COL16A1: variants seen among roughly 807,000 people sequenced by gnomAD.
The protein encoded by COL16A1 is collagen alpha-1(XVI) chain.
A neutral mutation model predicts 266.3 loss-of-function variants in COL16A1; 189 were observed. The ratio of observed to expected loss-of-function variants is 0.71; its 90% CI spans 0.63 to 0.80. The LOEUF is 0.80. Among genes scored for constraint, COL16A1 ranks in the 30% least tolerant of loss-of-function variants. The pLI is 0.00. For synonymous variants in COL16A1, 740 were observed against 782.3 expected (o/e 0.95, Z 0.90); for missense variants, 1,928 against 2,122.4 (o/e 0.91, Z 1.80).
chr1:31,652,708 G>A lies in COL16A1; in HGVS notation c.4758C>T (p.Ala1586=), dbSNP rs1337564587. 6.2e-7 allele frequency: 1 copy of A among 1,606,542 alleles called. No homozygotes were observed. Among genetic ancestry groups the A allele is most frequent in the Middle Eastern group, 1.7e-4 (1 of 6,040 alleles). ...GHCNPSDCFG[A]MPMEQQYPPM... ...GTGGGTACTGCTGCTCCATCGGCAT[G>A]GCCCCAAAGCAGTCAGAGGGATTAC... is the stretch of plus-strand genomic sequence containing the variant. Residue 1586 remains alanine (A), a synonymous_variant, in exon 71 of 71, where the codon GCC becomes GCT. Coordinates refer to ENST00000373672, the MANE Select transcript of COL16A1 (RefSeq NM_001856.4). The surrounding 1 kb of genome is among the most constrained non-coding windows in gnomAD (Gnocchi z 4.8).
At chr1:31,658,604 GA>G in intron 63 of COL16A1, 27 bp from the exon 64 acceptor site, 1 of 1,575,696 alleles carries the variant, frequency 6.3e-7, no homozygotes, top group Non-Finnish European at 8.6e-7. Flanking sequence ...GGGACAGTGA[GA>G]GGGGAGGAAA....
rs986142050 is a variant in COL16A1, at chr1:31,664,872, C to T, written c.3555+300G>A. Reference sequence around the variant, plus strand: ...CACATTCTACTCCTCCATCAGACCCCCTGCCTCCTCCCCACCTACCTCCCT... The same window carrying T: ...CACATTCTACTCCTCCATCAGACCCTCTGCCTCCTCCCCACCTACCTCCCT... On this transcript the variant is annotated intron_variant, in intron 56 of 70. Transcript: ENST00000373672. The surrounding 1 kb of genome is among the most constrained non-coding windows in gnomAD (Gnocchi z 5.5). Among the ~76,000 whole-genome samples the T allele has an allele frequency of 2.6e-5, 4 of 152,120 alleles. No individual in the cohort carries two copies. The highest frequency in any genetic ancestry group is 4.8e-5 in the African/African-American group (2 of 41,412).
rs965556115 is a variant in COL16A1, at chr1:31,668,619, C to T, written c.3249+183G>A. Among the ~76,000 whole-genome samples, 1 of 152,116 alleles carries T rather than the reference C, an allele frequency of 6.6e-6. No homozygotes were observed. Among genetic ancestry groups the T allele is most frequent in the Non-Finnish European group, 1.5e-5 (1 of 68,006 alleles). On this transcript the variant is annotated intron_variant, in intron 50 of 70. Transcript: ENST00000373672. The surrounding 1 kb of genome is among the most constrained non-coding windows in gnomAD (Gnocchi z 5.8). ...GGAGTCAGGGCACATGGAGATCGGCCTCCTTTGCTCCTGGGGGAGTGTGGA... is the reference window on the plus strand; with the variant it reads ...GGAGTCAGGGCACATGGAGATCGGCTTCCTTTGCTCCTGGGGGAGTGTGGA...
intron 17 of COL16A1, 105 bp from the exon 18 acceptor site, chr1:31,691,747 C>T: frequency 7.1e-7 from 1 of 1,413,690 alleles, no homozygotes; most frequent in Non-Finnish European, 9.6e-7. Flanking sequence ...GCCCCTCCCC[C>T]AAACCAGAGC....
intron 22 of COL16A1, chr1:31,690,066 C>G: frequency 1.6e-6 from 1 of 619,302 alleles, no homozygotes; most frequent in Non-Finnish European, 2.8e-6. Context: ...ACATCCTCGC[C>G]GTAAGCCTTA....
rs1644100350 is a variant in COL16A1 at position 31,688,487 on chromosome 1, G to A, written c.1783C>T (p.Pro595Ser). ...LPGLPGRAGV[P>S]GLKGEKGNFG... Reference sequence around the variant, plus strand: ...CTCACCTTCTCTCCTTTCAGCCCTGGAACCCCAGCTCTACCCTGAAAAACA... The same window carrying A: ...CTCACCTTCTCTCCTTTCAGCCCTGAAACCCCAGCTCTACCCTGAAAAACA... Residue 595 changes from proline (P) to serine (S), a missense_variant, in exon 26 of 71, where the codon CCA becomes TCA. Physicochemically the swap from Pro to Ser is moderately conservative, Grantham distance 74 (BLOSUM62 -1). Coordinates refer to ENST00000373672, the MANE Select transcript of COL16A1 (RefSeq NM_001856.4). This position sits in a 1 kb window ranked among gnomAD's most constrained non-coding sequence, Gnocchi z 4.9. 5 of 1,613,810 alleles carry A rather than the reference G, an allele frequency of 3.1e-6. No individual in the cohort carries two copies. The highest frequency in any genetic ancestry group is 1.3e-5 in the African/African-American group (1 of 74,800).
Position 31,692,606 on chromosome 1 carries a change from CT to C in COL16A1, c.1149del (p.Gly384GlufsTer77). The part of the protein sequence containing the change: ...AEGPKGEKGE[S>X]GALGPSGLPG... ...CCTGGTCCCACACTCACCAGAGCTC[CT>C]GACTCCCCCTTCTCTCCCTTCGGGC... On this transcript the variant is annotated frameshift_variant, in exon 15 of 71. Coordinates refer to ENST00000373672, the MANE Select transcript of COL16A1 (RefSeq NM_001856.4). LOFTEE classifies it high-confidence loss of function. 1 of 1,614,174 alleles carries C rather than the reference CT, an allele frequency of 6.2e-7. No homozygotes were observed. Among genetic ancestry groups the C allele is most frequent in the Non-Finnish European group, 8.5e-7 (1 of 1,180,010 alleles).
rs1016597773 is a variant in COL16A1, at chr1:31,656,788, G to A, written c.4056+245C>T. The A allele has an allele frequency of 3.7e-6, 2 of 545,230 alleles. No homozygotes were observed. Among genetic ancestry groups the A allele is most frequent in the East Asian group, 3.0e-5 (1 of 33,726 alleles). The allele number at this position is 545,230 out of a possible 1,614,324, so 33.8% of individuals were successfully genotyped here. ...ATTTATTATTATCATTATTATTGTT[G>A]TTGTTGTTGTTTCTTTTTGACCAGG... is the stretch of plus-strand genomic sequence containing the variant. On this transcript the variant is annotated intron_variant, in intron 65 of 70. Transcript: ENST00000373672. This position sits in a 1 kb window ranked among gnomAD's most constrained non-coding sequence, Gnocchi z 4.2.
At position 31,653,973 on chromosome 1, in the gene COL16A1, C is replaced by G. The variant is rs1260218274; in HGVS notation, c.4428G>C (p.Gly1476=). The G allele has an allele frequency of 6.2e-7, 1 of 1,614,200 alleles. No individual in the cohort carries two copies. Among genetic ancestry groups the G allele is most frequent in the South Asian group, 1.1e-5 (1 of 91,082 alleles). ...MEMAAAPGRP[G]PPGKDGAPGR... ...CCGGAGCACCATCCTTCCCTGGAGGCCCTGGTCGTCCCGGAGCTGCCGCCA... is the reference window on the plus strand; with the variant it reads ...CCGGAGCACCATCCTTCCCTGGAGGGCCTGGTCGTCCCGGAGCTGCCGCCA... Residue 1476 remains glycine, a synonymous_variant, in exon 69 of 71, where the codon GGG becomes GGC. Transcript: ENST00000373672.
intron 48 of COL16A1, among the ~76,000 whole-genome samples, chr1:31,671,255 A>G (rs923622852): frequency 5.3e-5 from 8 of 152,206 alleles, no homozygotes; most frequent in Admixed American, 5.2e-4. Flanking sequence ...TCTGGCCAGC[A>G]TGCCGCATGC....
chr1:31,682,999 A>T lies in COL16A1; in HGVS notation c.2473T>A (p.Ser825Thr), dbSNP rs1485782187. ...GPTGEKGAQG[S>T]PGVKGATGPV... ...CCGGTGGCTCCTTTCACCCCTGGAG[A>T]TCCCTGTGTAAGAGAAGGTACAAAG... The change falls in exon 37 of 71, where the codon TCT becomes ACT. Residue 825 changes from serine to threonine, a missense_variant. Coordinates refer to ENST00000373672, the MANE Select transcript of COL16A1 (RefSeq NM_001856.4). The T allele has an allele frequency of 1.9e-6, 3 of 1,613,988 alleles. No homozygotes were observed. Among genetic ancestry groups the T allele is most frequent in the Non-Finnish European group, 2.5e-6 (3 of 1,179,988 alleles).
At chr1:31,661,573 C>T (rs374727583) in intron 59 of COL16A1, 87 bp downstream of exon 59, 23 of 1,611,846 alleles carry the variant, frequency 1.4e-5, no homozygotes, top group Admixed American at 5.0e-5. Context: ...ACACGGTCCA[C>T]GGAGGATCTG....
In COL16A1 at chr1:31,701,353, T is replaced by C. The variant is rs1644716939; in HGVS notation, c.73+768A>G. ...ACGCACACACAAGCAGAAACACATA[T>C]GTGCACATACAAGGGGCAGGCGGCC... On this transcript the variant is annotated intron_variant, in intron 2 of 70. Transcript: ENST00000373672. 5 of 985,104 alleles carry C rather than the reference T, an allele frequency of 5.1e-6. No individual in the cohort carries two copies. In the Middle Eastern group the frequency reaches 2.1e-3, roughly 407 times the overall value. 61.0% of individuals were successfully genotyped at this position (985,104 alleles called of 1,614,324 possible). A position where few individuals can be genotyped will look rare whatever the true frequency, so the allele number is the denominator to read the frequency against.
At chr1:31,683,850 G>C in intron 33 of COL16A1, 100 bp downstream of exon 33, 1 of 1,604,300 alleles carries the variant, frequency 6.2e-7, no homozygotes, top group East Asian at 2.2e-5. Context: ...CCTGCACCCT[G>C]CCTCCATTTC....
chr1:31,699,881 C>T lies in COL16A1; in HGVS notation c.198G>A (p.Lys66=). The T allele has an allele frequency of 6.2e-7, 1 of 1,614,164 alleles. No homozygotes were observed. ...GAGGCCCCTTGGGGTTGCGGATCTT[C>T]TTGATGGCAGACGTCTTCATGAGGC... The part of the protein sequence containing the change: ...RLSLMKTSAI[K]KIRNPKGPLI... The change falls in exon 4 of 71, where the codon AAG becomes AAA. Residue 66 remains lysine (K), a synonymous_variant. Transcript: ENST00000373672.
chr1:31,665,410 G>T, intron 55 of COL16A1, 173 bp downstream of exon 55: 1 of 1,419,328 alleles, frequency 7.0e-7, no homozygotes. Context: ...CACACAAGAG[G>T]CTGGGCTCTC....
intron 4 of COL16A1, among the ~76,000 whole-genome samples, chr1:31,699,260 T>C (rs898128833): frequency 6.6e-6 from 1 of 152,126 alleles, no homozygotes; most frequent in East Asian, 1.9e-4. Flanking sequence ...CGCTATCGCA[T>C]TGCAATTTGA....
At chr1:31,686,890 T>C (rs1029632885) in intron 26 of COL16A1, among the ~76,000 whole-genome samples, 1 of 152,152 alleles carries the variant, frequency 6.6e-6, no homozygotes, top group Admixed American at 6.5e-5. Context: ...AGTCCGGACA[T>C]ATTCCATAAT....
chr1:31,659,001 C>A lies in COL16A1; in HGVS notation c.3880-37G>T, dbSNP rs202177378. On this transcript the variant is annotated intron_variant, in intron 62 of 70. Coordinates refer to ENST00000373672, the MANE Select transcript of COL16A1 (RefSeq NM_001856.4). ...TGAGTCAGTGGGATAGAAACAGGTT[C>A]TAATAGTAAGACCCCTGGGAGGCAC... 37 of 1,547,272 alleles carry A rather than the reference C, an allele frequency of 2.4e-5. No individual in the cohort carries two copies. In the African/African-American group the frequency reaches 4.1e-4, roughly 17 times the overall value.
Sources: allele counts gnomAD v4.1 joint callset (sites outside exome capture counted in the v4.1 genomes callset), GRCh38; gene constraint gnomAD v4.1.1; non-coding constraint Gnocchi (gnomAD v3.1); transcripts MANE v1.5; gene names NCBI Gene and HGNC (gene_info 2026-07-23, HGNC 2026-07-21).